Variants in SEPTIN9 observed in about 807,000 individuals in gnomAD.
SEPTIN9 encodes septin-9.
SEPTIN9 carries 13 observed loss-of-function variants against 56.6 expected under a neutral mutation model. The ratio of observed to expected loss-of-function variants is 0.23; its 90% CI spans 0.15 to 0.37. The LOEUF (loss-of-function observed/expected upper bound fraction) is 0.37. SEPTIN9 is among the 10% of genes least tolerant of loss of function. The pLI is 1.00. For synonymous variants in SEPTIN9, 332 were observed against 334.1 expected, an observed-to-expected ratio of 0.99 and a Z score of 0.07; for missense variants, 650 against 823.1, an observed-to-expected ratio of 0.79 and a Z score of 2.57.
intron 2 of SEPTIN9, among the ~76,000 whole-genome samples, chr17:77,351,204 G>A (rs965640175): frequency 4.0e-5 from 6 of 150,766 alleles, no homozygotes; most frequent in Non-Finnish European, 8.8e-5. Context: ...AGGGACTTGC[G>A]CAGGCACATG....
intron 3 of SEPTIN9, among the ~76,000 whole-genome samples, chr17:77,468,761 C>T (rs1367790063): frequency 3.3e-5 from 5 of 152,194 alleles, no homozygotes; most frequent in Non-Finnish European, 7.3e-5. Context: ...GTAAATTTTA[C>T]ACACGCCCCC....
chr17:77,422,488 C>T (rs767478392), intron 3 of SEPTIN9, among the ~76,000 whole-genome samples: 1 of 152,096 alleles, frequency 6.6e-6, no homozygotes, highest in Non-Finnish European at 1.5e-5. Context: ...AGGGCCAGGT[C>T]TCCAGAGTTC....
At chr17:77,488,090 C>G (rs957109305) in intron 5 of SEPTIN9, 150 bp from the exon 6 acceptor site, 5 of 722,704 alleles carry the variant, frequency 6.9e-6, no homozygotes, top group Admixed American at 4.2e-5. Flanking sequence ...CGGCCTGTGC[C>G]GGAGTTGGCT....
chr17:77,318,999 C>T lies in SEPTIN9; in HGVS notation c.76+11802C>T, dbSNP rs527658574. Among the ~76,000 whole-genome samples, 76 of 152,316 alleles carry T rather than the reference C, an allele frequency of 5.0e-4. No homozygotes were observed. The highest frequency in any genetic ancestry group is 1.5e-3 in the African/African-American group (64 of 41,560). On this transcript the variant is annotated intron_variant, in intron 2 of 11. Transcript: ENST00000427177. The surrounding 1 kb of genome is among the most constrained non-coding windows in gnomAD (Gnocchi z 4.9). ...AGAACTGTCTTATACCAGCCCTGTG[C>T]GGCCAGGCAGGAAGGCTTCCGTGGT...
rs1269127097 is a variant in SEPTIN9 at position 77,329,178 on chromosome 17, G to T, written c.76+21981G>T. ...GGTGGGACCTCAGTGCCCTGTGGCT[G>T]CTGAGAATGGCCAGGGGCAGGCAGG... On this transcript the variant is annotated intron_variant, in intron 2 of 11. Coordinates refer to ENST00000427177, the MANE Select transcript of SEPTIN9 (RefSeq NM_001113491.2). This position sits in a 1 kb window ranked among gnomAD's most constrained non-coding sequence, Gnocchi z 4.3. Among the ~76,000 whole-genome samples, 1 of 152,224 alleles carries T rather than the reference G, an allele frequency of 6.6e-6. No individual in the cohort carries two copies. The highest frequency in any genetic ancestry group is 1.5e-5 in the Non-Finnish European group (1 of 68,038).
At chr17:77,385,410 G>C (rs1043045177) in intron 2 of SEPTIN9, among the ~76,000 whole-genome samples, 3 of 151,776 alleles carry the variant, frequency 2.0e-5, no homozygotes, top group African/African-American at 7.3e-5. Context: ...GTAGAGACAG[G>C]GTTTCACCAT....
At position 77,402,410 on chromosome 17, in the gene SEPTIN9, C is replaced by T; in HGVS notation, c.428C>T (p.Pro143Leu). The T allele has an allele frequency of 6.2e-7, 1 of 1,611,236 alleles. No homozygotes were observed. Among genetic ancestry groups the T allele is most frequent in the Non-Finnish European group, 8.5e-7 (1 of 1,179,164 alleles). The stretch of plus-strand genomic sequence containing the variant: ...GCCGAGGTGTTGGGCCACAAGACGC[C>T]AGAACCGGCCCCTCGGAGGACGGAG... ...KRAEVLGHKT[P>L]EPAPRRTEIT... Residue 143 changes from proline to leucine, a missense_variant, in exon 3 of 12, where the codon CCA becomes CTA. Transcript: ENST00000427177. The surrounding 1 kb of genome is among the most constrained non-coding windows in gnomAD (Gnocchi z 6.6).
chr17:77,492,840 A>G lies in SEPTIN9; in HGVS notation c.1476+124A>G. On this transcript the variant is annotated intron_variant, in intron 9 of 11. Coordinates refer to ENST00000427177, the MANE Select transcript of SEPTIN9 (RefSeq NM_001113491.2). The surrounding 1 kb of genome is among the most constrained non-coding windows in gnomAD (Gnocchi z 5.4). ...CTTGGGGCCAGAGGGCACTGAGCCC[A>G]GGTGTCTGTACCCAGTGCTGTCAGG... 8.3e-7 allele frequency: 1 copy of G among 1,208,836 alleles called. No homozygotes were observed. The highest frequency in any genetic ancestry group is 1.5e-5 in the African/African-American group (1 of 67,118). 74.9% of individuals were successfully genotyped at this position (1,208,836 alleles called of 1,614,324 possible).
At chr17:77,307,061 C>T in intron 1 of SEPTIN9, 80 bp from the exon 2 acceptor site, 1 of 1,326,138 alleles carries the variant, frequency 7.5e-7, no homozygotes, top group South Asian at 1.2e-5. Flanking sequence ...AAGGCGAGGA[C>T]ATTCCTGGTG....
chr17:77,396,035 C>T (rs2035702239), intron 2 of SEPTIN9, among the ~76,000 whole-genome samples: 2 of 152,082 alleles, frequency 1.3e-5, no homozygotes, highest in Non-Finnish European at 1.5e-5. Flanking sequence ...GGAGAAGGGA[C>T]CCAGGGAGGC....
At chr17:77,331,266 A>G (rs1325639192) in intron 2 of SEPTIN9, among the ~76,000 whole-genome samples, 12 of 152,250 alleles carry the variant, frequency 7.9e-5, no homozygotes, top group Middle Eastern at 3.2e-3. Flanking sequence ...TATAAAGTCA[A>G]GGGTCTTCAG....
intron 2 of SEPTIN9, among the ~76,000 whole-genome samples, chr17:77,387,028 G>T (rs922581439): frequency 6.6e-6 from 1 of 152,214 alleles, no homozygotes; most frequent in Admixed American, 6.5e-5. Context: ...GGTCAGTGTG[G>T]TTAGCCCCAG....
In SEPTIN9 at chr17:77,436,170, C is replaced by T. The variant is rs185639534; in HGVS notation, c.721+33467C>T. The stretch of plus-strand genomic sequence containing the variant: ...GATGCCTGCTGGAAGCCAACGTGCA[C>T]GAAAGAGTTAATGGTGGATCCCATT... On this transcript the variant is annotated intron_variant, in intron 3 of 11. Transcript: ENST00000427177. The surrounding 1 kb of genome is among the most constrained non-coding windows in gnomAD (Gnocchi z 4.4). 5.6e-4 allele frequency among the ~76,000 whole-genome samples: 85 copies of T among 152,264 alleles called. No homozygotes were observed. The highest frequency in any genetic ancestry group is 1.9e-3 in the African/African-American group (79 of 41,574).
intron 2 of SEPTIN9, among the ~76,000 whole-genome samples, chr17:77,333,130 GTCAC>G (rs780089947): frequency 7.2e-5 from 11 of 152,214 alleles, no homozygotes; most frequent in Non-Finnish European, 1.3e-4. Flanking sequence ...ATTTGGTGCT[GTCAC>G]TCTGTGAAAT....
chr17:77,287,213 G>A lies in SEPTIN9; in HGVS notation c.19+5659G>A, dbSNP rs193126687. ...TGGAGGGACTTGGTGGGCAGCCATC[G>A]TGATGCCAGGCATGGGGATCGTGTG... is the stretch of plus-strand genomic sequence containing the variant. On this transcript the variant is annotated intron_variant, in intron 1 of 11. Transcript: ENST00000427177. Among the ~76,000 whole-genome samples, 1,029 of 152,352 alleles carry A rather than the reference G, an allele frequency of 6.8e-3. 10 individuals carry two copies. The highest frequency in any genetic ancestry group is 8.5e-3 in the South Asian group (41 of 4,832).
intron 3 of SEPTIN9, among the ~76,000 whole-genome samples, chr17:77,415,044 G>C (rs1159026644): frequency 6.6e-6 from 1 of 152,132 alleles, no homozygotes; most frequent in Non-Finnish European, 1.5e-5. Context: ...CAGACATGTT[G>C]CCTTCATCAG....
At chr17:77,320,021 C>G in intron 2 of SEPTIN9, 2 of 1,332,520 alleles carry the variant, frequency 1.5e-6, no homozygotes, top group Non-Finnish European at 1.9e-6. Flanking sequence ...GGGCCCACTT[C>G]GGGCCCTCTC....
At chr17:77,474,654 T>C (rs1285105932) in intron 3 of SEPTIN9, among the ~76,000 whole-genome samples, 1 of 152,120 alleles carries the variant, frequency 6.6e-6, no homozygotes, top group African/African-American at 2.4e-5. Context: ...CTTTCCATGG[T>C]TCCCGAAGAC....
chr17:77,469,449 C>A (rs2038885422), intron 3 of SEPTIN9: 1 of 152,238 alleles, frequency 6.6e-6, no homozygotes, highest in South Asian at 2.1e-4. Flanking sequence ...TCCATCTGGT[C>A]AGAACCCCAA....
Sources: allele counts gnomAD v4.1 joint callset (sites outside exome capture counted in the v4.1 genomes callset), GRCh38; gene constraint gnomAD v4.1.1; non-coding constraint Gnocchi (gnomAD v3.1); transcripts MANE v1.5; gene names NCBI Gene and HGNC (gene_info 2026-07-23, HGNC 2026-07-21).